Variants in COLEC10 observed in about 807,000 individuals in gnomAD.
COLEC10 encodes the protein collectin-10.
A neutral mutation model predicts 28.4 loss-of-function variants in COLEC10; 22 were observed. The observed-to-expected ratio is 0.78, with a 90% CI of 0.55 to 1.11. The LOEUF is 1.11. Among genes scored for constraint, COLEC10 ranks in the 50% least tolerant of loss-of-function variants. The pLI is 0.00. For missense variants in COLEC10, 361 were observed against 344.1 expected (o/e 1.05, Z -0.39); for synonymous variants, 125 against 116.1 (o/e 1.08, Z -0.49).
the COLEC10 span, among the ~76,000 whole-genome samples, chr8:118,968,010 G>A: frequency 6.6e-6 from 1 of 152,020 alleles, no homozygotes; most frequent in South Asian, 2.1e-4. Context: ...GACATGACAA[G>A]AAAATGACAG....
At chr8:119,036,443 C>T (rs1461013377) in intron 2 of COLEC10, among the ~76,000 whole-genome samples, 1 of 152,042 alleles carries the variant, frequency 6.6e-6, no homozygotes, top group Non-Finnish European at 1.5e-5. Flanking sequence ...TTGTAAGAAA[C>T]AGTGTAAATT....
Position 119,099,176 on chromosome 8 carries a change from C to A in COLEC10, c.293-3172C>A, listed in dbSNP as rs759030689. Among the ~76,000 whole-genome samples, 38 of 151,964 alleles carry A rather than the reference C, an allele frequency of 2.5e-4. 1 individual carries two copies. The highest frequency in any genetic ancestry group is 5.1e-4 in the Non-Finnish European group (35 of 67,970). On this transcript the variant is annotated intron_variant, in intron 3 of 5. Transcript: ENST00000332843. The stretch of plus-strand genomic sequence containing the variant: ...TGTGACCTCTAATTCAACTTTTAGA[C>A]AGTTATTACAGACATGTTCCCACTC...
intron 3 of COLEC10, 122 bp from the exon 4 acceptor site, chr8:119,102,206 TCCTTCCTCCCTCCCTCCCTC>T (rs751977686): frequency 0.12 from 43,910 of 359,994 alleles, 10,058 homozygotes; most frequent in Middle Eastern, 0.24. Flanking sequence ...GTAAATTCAC[TCCTTCCTCCCTCCCTCCCTC>T]CCTCCCTCCC....
At chr8:119,010,808 G>A (rs1266783869) in intron 2 of COLEC10, among the ~76,000 whole-genome samples, 2 of 151,058 alleles carry the variant, frequency 1.3e-5, no homozygotes, top group African/African-American at 2.5e-5. Context: ...CTTTAGTGAG[G>A]TGTCTGTTAA....
the COLEC10 span, among the ~76,000 whole-genome samples, chr8:118,970,716 G>T: frequency 5.3e-5 from 8 of 151,066 alleles, no homozygotes; most frequent in African/African-American, 1.9e-4. Context: ...CTCTTTGAAT[G>T]ATATAATATC....
At chr8:119,091,980 C>T (rs904388839) in intron 3 of COLEC10, among the ~76,000 whole-genome samples, 5 of 151,808 alleles carry the variant, frequency 3.3e-5, no homozygotes, top group African/African-American at 1.2e-4. Flanking sequence ...AGTGGATTAA[C>T]CAAAAATTCT....
chr8:119,095,557 C>A (rs1292345547), intron 3 of COLEC10, among the ~76,000 whole-genome samples: 1 of 152,072 alleles, frequency 6.6e-6, no homozygotes, highest in African/African-American at 2.4e-5. Flanking sequence ...CAAAAATTAG[C>A]CTGGCATGGT....
intron 2 of COLEC10, among the ~76,000 whole-genome samples, chr8:119,040,273 G>C (rs1814470678): frequency 6.6e-6 from 1 of 152,162 alleles, no homozygotes; most frequent in Non-Finnish European, 1.5e-5. Flanking sequence ...ACTTTAATTT[G>C]AGTCTTAAAT....
chr8:119,099,539 C>T (rs1815781985), intron 3 of COLEC10, among the ~76,000 whole-genome samples: 1 of 152,010 alleles, frequency 6.6e-6, no homozygotes, highest in Non-Finnish European at 1.5e-5. Flanking sequence ...AGTGGCAAAG[C>T]CAGGATTCAA....
At chr8:119,015,212 G>A (rs1402206547) in intron 2 of COLEC10, among the ~76,000 whole-genome samples, 1 of 150,906 alleles carries the variant, frequency 6.6e-6, no homozygotes, top group Non-Finnish European at 1.5e-5. Context: ...TGATATGGTG[G>A]GGAGGTGAAG....
At chr8:118,971,179 C>T in the COLEC10 span, among the ~76,000 whole-genome samples, 1 of 151,840 alleles carries the variant, frequency 6.6e-6, no homozygotes, top group Non-Finnish European at 1.5e-5. Context: ...GACAAGCAAC[C>T]AAAAGGAGAA....
intron 2 of COLEC10, among the ~76,000 whole-genome samples, chr8:119,037,893 A>C (rs1410509271): frequency 6.6e-6 from 1 of 152,154 alleles, no homozygotes; most frequent in Non-Finnish European, 1.5e-5. Flanking sequence ...TTCTTGAATG[A>C]TTATATTAAA....
intron 2 of COLEC10, among the ~76,000 whole-genome samples, chr8:119,034,056 C>T (rs569606343): frequency 1.4e-4 from 22 of 152,172 alleles, no homozygotes; most frequent in African/African-American, 5.1e-4. Context: ...GGTATACTAT[C>T]CAGACATAAA....
At chr8:119,059,883 T>G (rs879233844) in intron 2 of COLEC10, among the ~76,000 whole-genome samples, 3 of 152,000 alleles carry the variant, frequency 2.0e-5, no homozygotes, top group African/African-American at 4.8e-5. Context: ...TTTGAACAAA[T>G]CAAAAGAAAA....
chr8:118,970,020 CT>C, the COLEC10 span, among the ~76,000 whole-genome samples: 4 of 152,016 alleles, frequency 2.6e-5, no homozygotes, highest in African/African-American at 9.7e-5. Context: ...GAGCTACAGA[CT>C]GCATTTGCAA....
the COLEC10 span, among the ~76,000 whole-genome samples, chr8:118,969,168 C>T: frequency 3.9e-5 from 6 of 151,928 alleles, no homozygotes; most frequent in African/African-American, 1.2e-4. Context: ...AGCCAAGAAA[C>T]GCCAACAACC....
At chr8:119,014,721 CA>C (rs1813958585) in intron 2 of COLEC10, among the ~76,000 whole-genome samples, 1 of 150,880 alleles carries the variant, frequency 6.6e-6, no homozygotes, top group Admixed American at 6.6e-5. Context: ...AGTTGTCTCA[CA>C]ATTCTTGTAT....
At chr8:119,058,251 T>G (rs76528201) in intron 2 of COLEC10, among the ~76,000 whole-genome samples, 7,650 of 151,814 alleles carry the variant, frequency 0.05, 299 homozygotes, top group East Asian at 0.16. Context: ...GGTTTGAGGG[T>G]TTTTTTTACA....
intron 2 of COLEC10, among the ~76,000 whole-genome samples, chr8:119,015,353 G>A (rs1188377484): frequency 6.6e-6 from 1 of 150,884 alleles, no homozygotes; most frequent in Non-Finnish European, 1.5e-5. Context: ...GGTGTGGGCT[G>A]GAGTTTGGTG....
Sources: gnomAD v4.1 joint callset for allele counts (sites outside exome capture counted in the v4.1 genomes callset) on GRCh38, gnomAD v4.1.1 for gene constraint, MANE v1.5 for transcripts, NCBI Gene and HGNC (gene_info 2026-07-23, HGNC 2026-07-21) for gene names.